The following LARGE1 variants were observed in gnomAD, a reference collection of about 807,000 sequenced individuals.
LARGE1 encodes the protein xylosyl- and glucuronyltransferase LARGE1.
LARGE1 carries 43 observed loss-of-function variants against 87.6 expected under a neutral mutation model. The ratio of observed to expected loss-of-function variants is 0.49; its 90% CI spans 0.38 to 0.63. The LOEUF (loss-of-function observed/expected upper bound fraction) is 0.63. Ranked by LOEUF, LARGE1 falls within the 30% of genes least tolerant of loss-of-function variation. LARGE1 has a pLI of 0.00. For missense variants in LARGE1, 802 were observed against 1,000.2 expected (o/e 0.80, Z 2.67); for synonymous variants, 434 against 394.6 (o/e 1.10, Z -1.18).
intron 12 of LARGE1, among the ~76,000 whole-genome samples, chr22:33,300,831 C>G (rs556000012): frequency 7.9e-5 from 12 of 152,116 alleles, no homozygotes; most frequent in Non-Finnish European, 1.8e-4. Context: ...TGAGCCACCG[C>G]GCCTGGCCAA....
intron 2 of LARGE1, among the ~76,000 whole-genome samples, chr22:33,677,444 A>C (rs1316735508): frequency 6.6e-6 from 1 of 152,074 alleles, no homozygotes; most frequent in Non-Finnish European, 1.5e-5. Context: ...TACGACAGTT[A>C]TCTCTCCATA....
chr22:33,273,905 T>C lies in LARGE1; in HGVS notation c.*522A>G, dbSNP rs979220072. The C allele has an allele frequency of 8.3e-6, 3 of 363,010 alleles. No individual in the cohort carries two copies. Among genetic ancestry groups the C allele is most frequent in the Non-Finnish European group, 1.5e-5 (3 of 203,280 alleles). The allele number at this position is 363,010 out of a possible 1,614,324, so 22.5% of individuals were successfully genotyped here. Reference sequence around the variant, plus strand: ...GGTTACAATGTCCCCATTGGGTTTTTCCAAGTGGTTGGTTTAGATCATCGG... The same window carrying C: ...GGTTACAATGTCCCCATTGGGTTTTCCCAAGTGGTTGGTTTAGATCATCGG... On this transcript the variant is annotated 3_prime_UTR_variant, in exon 15 of 15. Coordinates refer to ENST00000397394, the MANE Select transcript of LARGE1 (RefSeq NM_133642.5).
In LARGE1 at chr22:33,722,284, G is replaced by C. The variant is rs375146777; in HGVS notation, c.106+39087C>G. Among the ~76,000 whole-genome samples the C allele has an allele frequency of 3.3e-4, 47 of 142,998 alleles. No individual in the cohort carries two copies. The East Asian group carries it at 5.4e-3, about 17-fold the overall frequency. The allele number at this position is 142,998 out of a possible 152,430, so 93.8% of individuals were successfully genotyped here. A position where few individuals can be genotyped will look rare whatever the true frequency, so the allele number is the denominator to read the frequency against. On this transcript the variant is annotated intron_variant, in intron 2 of 14. Transcript: ENST00000397394. Reference sequence around the variant, plus strand: ...AGGGAGAGGAGGGAGAGGGAGAGGAGGGAGAGGGAGAGGAGGGAGAGGGAG... The same window carrying C: ...AGGGAGAGGAGGGAGAGGGAGAGGACGGAGAGGGAGAGGAGGGAGAGGGAG...
chr22:33,201,107 G>A lies in LARGE1; in HGVS notation c.1731-34275C>T, dbSNP rs533443447. Among the ~76,000 whole-genome samples, 15 of 152,220 alleles carry A rather than the reference G, an allele frequency of 9.9e-5. 1 individual carries two copies. In the South Asian group the frequency reaches 2.9e-3, roughly 29 times the overall value. On this transcript the variant is annotated intron_variant, in intron 11 of 11. Coordinates refer to the LARGE1 transcript ENST00000608642. ...GGGGATCACTTGAGGTCAGGAGTTC[G>A]TGACCAGCCTGACCAACATGGTGAA... is the stretch of plus-strand genomic sequence containing the variant.
At chr22:33,786,141 G>C (rs972464174) in intron 1 of LARGE1, among the ~76,000 whole-genome samples, 2 of 152,160 alleles carry the variant, frequency 1.3e-5, no homozygotes, top group African/African-American at 4.8e-5. Context: ...TTGGGCATAA[G>C]TAGGGCACAG....
intron 1 of LARGE1, among the ~76,000 whole-genome samples, chr22:33,803,458 A>G (rs1174697039): frequency 1.3e-5 from 2 of 152,184 alleles, no homozygotes; most frequent in African/African-American, 4.8e-5. Flanking sequence ...GTAAGATGAT[A>G]TGACTGGCTG....
intron 6 of LARGE1, among the ~76,000 whole-genome samples, chr22:33,441,516 C>G (rs2067477275): frequency 6.6e-6 from 1 of 152,176 alleles, no homozygotes; most frequent in Admixed American, 6.5e-5. Context: ...TGCAGTGGCA[C>G]AATCATGGCT....
At chr22:33,532,370 C>A in intron 6 of LARGE1, among the ~76,000 whole-genome samples, 1 of 152,240 alleles carries the variant, frequency 6.6e-6, no homozygotes, top group East Asian at 1.9e-4. Context: ...CCCACAGGAT[C>A]TAGGTTGGGT....
chr22:33,841,259 A>G (rs1274372658), intron 1 of LARGE1, among the ~76,000 whole-genome samples: 1 of 152,220 alleles, frequency 6.6e-6, no homozygotes, highest in East Asian at 1.9e-4. Context: ...AATGTACAAA[A>G]AATGTTTCAG....
intron 2 of LARGE1, among the ~76,000 whole-genome samples, chr22:33,698,673 C>T (rs1315049877): frequency 2.6e-5 from 4 of 152,178 alleles, no homozygotes; most frequent in African/African-American, 9.7e-5. Context: ...CCAGGTAGGG[C>T]CATTTACTGA....
At chr22:33,677,757 T>TG (rs34488050) in intron 2 of LARGE1, among the ~76,000 whole-genome samples, 76,970 of 151,942 alleles carry the variant, frequency 0.51, 19,823 homozygotes, top group African/African-American at 0.6. Context: ...CAGCCTCTCC[T>TG]GTCCAGACCA....
At chr22:33,393,390 G>T (rs1214023345) in intron 7 of LARGE1, among the ~76,000 whole-genome samples, 1 of 152,186 alleles carries the variant, frequency 6.6e-6, no homozygotes. Context: ...CCTCATTAAG[G>T]TGTCTAATTA....
chr22:33,296,136 G>A (rs5998853), intron 12 of LARGE1, among the ~76,000 whole-genome samples: 7,034 of 152,234 alleles, frequency 0.046, 538 homozygotes, highest in African/African-American at 0.16. Context: ...ATAGCTAAAC[G>A]TTGTAGAGCA....
intron 3 of LARGE1, among the ~76,000 whole-genome samples, chr22:33,642,217 G>A (rs1295423640): frequency 6.6e-6 from 1 of 152,138 alleles, no homozygotes; most frequent in African/African-American, 2.4e-5. Flanking sequence ...AATAGAATAG[G>A]GATCAATATT....
At chr22:33,496,755 CTCTA>C (rs992688201) in intron 6 of LARGE1, among the ~76,000 whole-genome samples, 1 of 152,200 alleles carries the variant, frequency 6.6e-6, no homozygotes, top group African/African-American at 2.4e-5. Flanking sequence ...AGTTTTCAGA[CTCTA>C]TCTCTCATTC....
chr22:33,264,496 C>T (rs1047882361), intron 11 of LARGE1, among the ~76,000 whole-genome samples: 1 of 152,130 alleles, frequency 6.6e-6, no homozygotes, highest in Non-Finnish European at 1.5e-5. Flanking sequence ...CCTGTCTCTA[C>T]TAAAAATACA....
the LARGE1 span, among the ~76,000 whole-genome samples, chr22:33,100,774 T>C: frequency 1.3e-5 from 2 of 152,178 alleles, no homozygotes; most frequent in South Asian, 2.1e-4. Flanking sequence ...AGCTCAGAGA[T>C]TGCATCTTGT....
At chr22:33,101,135 A>G in the LARGE1 span, among the ~76,000 whole-genome samples, 7 of 152,152 alleles carry the variant, frequency 4.6e-5, no homozygotes, top group Admixed American at 6.5e-5. Context: ...GTGAGCCACC[A>G]TGCTTGGCCT....
intron 1 of LARGE1, among the ~76,000 whole-genome samples, chr22:33,889,918 T>G (rs1901732211): frequency 6.6e-6 from 1 of 152,216 alleles, no homozygotes; most frequent in South Asian, 2.1e-4. Flanking sequence ...TGAAACCTCA[T>G]GGGATAGACA....
Sources: gnomAD v4.1 joint callset for allele counts (sites outside exome capture counted in the v4.1 genomes callset) on GRCh38, gnomAD v4.1.1 for gene constraint, MANE v1.5 for transcripts, NCBI Gene and HGNC (gene_info 2026-07-23, HGNC 2026-07-21) for gene names.